Variants in NPAS3 observed in about 807,000 individuals in gnomAD.
NPAS3 encodes neuronal PAS domain protein 3.
Under a neutral mutation model 73.1 loss-of-function variants are expected in NPAS3, and 14 were observed. The observed-to-expected ratio is 0.19, with a 90% CI of 0.13 to 0.30. The LOEUF (loss-of-function observed/expected upper bound fraction) is 0.30, where lower values mean the gene tolerates loss of function less well. NPAS3 is among the 10% of genes least tolerant of loss of function. NPAS3 has a pLI of 1.00. For missense variants in NPAS3, 1,096 were observed against 1,250.0 expected (o/e 0.88, Z 1.86); for synonymous variants, 620 against 541.5 (o/e 1.14, Z -2.01).
intron 1 of NPAS3, among the ~76,000 whole-genome samples, chr14:33,035,908 G>T (rs1468052373): frequency 6.6e-6 from 1 of 152,102 alleles, no homozygotes; most frequent in Non-Finnish European, 1.5e-5. Flanking sequence ...ATTGTCACAT[G>T]GGAGGCCAGT....
chr14:32,953,270 C>G (rs560556830), intron 1 of NPAS3, among the ~76,000 whole-genome samples: 1 of 152,224 alleles, frequency 6.6e-6, no homozygotes, highest in Admixed American at 6.5e-5. Context: ...TTGAACCAAA[C>G]CACGTTAGAC....
intron 1 of NPAS3, among the ~76,000 whole-genome samples, chr14:33,050,224 C>T (rs2040654645): frequency 2.0e-5 from 3 of 152,304 alleles, no homozygotes; most frequent in South Asian, 4.2e-4. Context: ...CAAGAACTCA[C>T]TCATTTCACT....
intron 4 of NPAS3, among the ~76,000 whole-genome samples, chr14:33,390,875 T>C (rs148017099): frequency 1.3e-5 from 2 of 152,300 alleles, no homozygotes; most frequent in African/African-American, 2.4e-5. Flanking sequence ...AAAATTAAAA[T>C]AGGTGTATCC....
At chr14:33,101,819 C>T (rs1007350668) in intron 2 of NPAS3, among the ~76,000 whole-genome samples, 3 of 152,164 alleles carry the variant, frequency 2.0e-5, no homozygotes, top group Non-Finnish European at 2.9e-5. Context: ...GCACTCACCA[C>T]GGCCTCCATT....
intron 4 of NPAS3, among the ~76,000 whole-genome samples, chr14:33,417,594 G>A (rs1295093680): frequency 6.6e-6 from 1 of 151,994 alleles, no homozygotes; most frequent in Non-Finnish European, 1.5e-5. Context: ...AGGAATAAAT[G>A]CACCAAATCT....
intron 4 of NPAS3, among the ~76,000 whole-genome samples, chr14:33,475,493 C>G (rs1311164331): frequency 6.7e-6 from 1 of 148,848 alleles, no homozygotes; most frequent in African/African-American, 2.5e-5. Flanking sequence ...ACAGTCTTGC[C>G]TACTTTAAGT....
intron 3 of NPAS3, among the ~76,000 whole-genome samples, chr14:33,221,316 A>G (rs1400121368): frequency 2.6e-5 from 4 of 152,232 alleles, no homozygotes; most frequent in South Asian, 2.1e-4. Context: ...GTCAAGGGGC[A>G]GGGAAGCACA....
chr14:33,416,407 C>G (rs897823492), intron 4 of NPAS3, among the ~76,000 whole-genome samples: 2 of 152,054 alleles, frequency 1.3e-5, no homozygotes, highest in African/African-American at 2.4e-5. Flanking sequence ...GATAACACTA[C>G]TTCCATAACG....
intron 5 of NPAS3, among the ~76,000 whole-genome samples, chr14:33,604,523 G>T (rs949354507): frequency 6.6e-6 from 1 of 152,042 alleles, no homozygotes; most frequent in Non-Finnish European, 1.5e-5. Flanking sequence ...ATTATAGTTG[G>T]ATATTCTGAT....
chr14:33,439,939 C>A (rs1353102132), intron 4 of NPAS3, among the ~76,000 whole-genome samples: 1 of 152,012 alleles, frequency 6.6e-6, no homozygotes, highest in East Asian at 1.9e-4. Context: ...CAGGGTGAAA[C>A]CCCGTCTCTA....
rs1555333522 is a variant in NPAS3, at chr14:33,784,751, T to TTTTTTTA, written c.1153+6185_1153+6186insATTTTTT. 5.8e-3 allele frequency among the ~76,000 whole-genome samples: 666 copies of TTTTTTTA among 114,768 alleles called. 14 individuals are homozygous for TTTTTTTA. The highest frequency in any genetic ancestry group is 0.025 in the African/African-American group (638 of 25,800). The allele number at this position is 114,768 out of a possible 152,430, so 75.3% of individuals were successfully genotyped here. A position where few individuals can be genotyped will look rare whatever the true frequency, so the allele number is the denominator to read the frequency against. On this transcript the variant is annotated intron_variant, in intron 9 of 11. Coordinates refer to ENST00000356141, the Ensembl canonical transcript of NPAS3. The stretch of plus-strand genomic sequence containing the variant: ...TTTATTTATTTATTTATTTATTTTT[T>TTTTTTTA]TTTTTTTTTTTTTTTTGAGACAGAG...
At chr14:33,541,425 G>A (rs2054513045) in intron 4 of NPAS3, among the ~76,000 whole-genome samples, 2 of 152,322 alleles carry the variant, frequency 1.3e-5, no homozygotes, top group East Asian at 1.9e-4. Context: ...ATTGGCAAGA[G>A]CAGTTGATGC....
chr14:33,628,235 T>TAAGC (rs1171959915), intron 5 of NPAS3, among the ~76,000 whole-genome samples: 3 of 152,248 alleles, frequency 2.0e-5, no homozygotes, highest in Non-Finnish European at 4.4e-5. Flanking sequence ...GATCTGCTTA[T>TAAGC]AAGCATTCAA....
At chr14:33,749,100 C>G (rs1595547406) in intron 7 of NPAS3, among the ~76,000 whole-genome samples, 1 of 152,246 alleles carries the variant, frequency 6.6e-6, no homozygotes, top group South Asian at 2.1e-4. Flanking sequence ...TATGGATGGA[C>G]TAAAACCAAC....
In NPAS3 at chr14:33,800,623, C is replaced by A; in HGVS notation, c.2316C>A (p.Gly772=). Reference sequence around the variant, plus strand: ...GCGGGGGCGGGGGCGGGGGCGGCGGCGCGGGGGGCGGCGGCCCCAGCGCGT... The same window carrying A: ...GCGGGGGCGGGGGCGGGGGCGGCGGAGCGGGGGGCGGCGGCCCCAGCGCGT... Residue 772 remains glycine, a synonymous_variant, in exon 12 of 12, where the codon GGC becomes GGA. Coordinates refer to ENST00000356141, the Ensembl canonical transcript of NPAS3. The surrounding 1 kb of genome is among the most constrained non-coding windows in gnomAD (Gnocchi z 6.5). The A allele has an allele frequency of 7.3e-7, 1 of 1,368,368 alleles. No homozygotes were observed. Among genetic ancestry groups the A allele is most frequent in the South Asian group, 1.9e-5 (1 of 53,774 alleles). The allele number at this position is 1,368,368 out of a possible 1,614,324, so 84.8% of individuals were successfully genotyped here.
chr14:33,478,698 TC>T (rs1185911748), intron 4 of NPAS3, among the ~76,000 whole-genome samples: 9 of 152,216 alleles, frequency 5.9e-5, no homozygotes, highest in African/African-American at 2.2e-4. Context: ...CTATTAATGA[TC>T]TTGAATAGCC....
chr14:33,647,987 G>A (rs188168213), intron 5 of NPAS3, among the ~76,000 whole-genome samples: 2 of 152,208 alleles, frequency 1.3e-5, no homozygotes, highest in African/African-American at 4.8e-5. Context: ...TTAATTTATA[G>A]TCACTGAACA....
At chr14:33,073,979 TCTC>T (rs2041572918) in intron 2 of NPAS3, among the ~76,000 whole-genome samples, 2 of 152,226 alleles carry the variant, frequency 1.3e-5, no homozygotes, top group Admixed American at 6.5e-5. Context: ...CATCATGTCA[TCTC>T]CTGACTTGTG....
At chr14:33,216,584 C>G (rs1411436296) in intron 3 of NPAS3, among the ~76,000 whole-genome samples, 2 of 152,118 alleles carry the variant, frequency 1.3e-5, no homozygotes, top group African/African-American at 4.8e-5. Context: ...AGTTGGCAAA[C>G]ATTTTCTGTA....
Sources: gnomAD v4.1 joint callset for allele counts (sites outside exome capture counted in the v4.1 genomes callset) on GRCh38, gnomAD v4.1.1 for gene constraint, Gnocchi (gnomAD v3.1) non-coding constraint, MANE v1.5 for transcripts, NCBI Gene and HGNC (gene_info 2026-07-23, HGNC 2026-07-21) for gene names.